The following DZANK1 variants were observed in gnomAD, a reference collection of about 807,000 sequenced individuals.
The protein encoded by DZANK1 is double zinc ribbon and ankyrin repeat domains 1, also known as double zinc ribbon and ankyrin repeat-containing protein 1.
In DZANK1, 91 loss-of-function variants were observed where a neutral mutation model predicts 94.5. The ratio of observed to expected loss-of-function variants is 0.96; its 90% CI spans 0.81 to 1.15. The LOEUF (loss-of-function observed/expected upper bound fraction) is 1.15, where lower values mean the gene tolerates loss of function less well. Ranked by LOEUF, DZANK1 falls within the 50% of genes most tolerant of loss-of-function variation. DZANK1 has a pLI of 0.00. For missense variants in DZANK1, 903 were observed against 916.4 expected (o/e 0.99, Z 0.19); for synonymous variants, 312 against 325.3 (o/e 0.96, Z 0.44).
intron 13 of DZANK1, among the ~76,000 whole-genome samples, chr20:18,401,156 C>T (rs906309933): frequency 6.6e-6 from 1 of 152,142 alleles, no homozygotes; most frequent in African/African-American, 2.4e-5. Context: ...AGGCTGGTCT[C>T]AAACTCCTGA....
rs769222139 is a variant in DZANK1 at position 18,389,888 on chromosome 20, C to T, written c.1891-60G>A. The T allele has an allele frequency of 5.3e-4, 852 of 1,601,548 alleles. 7 individuals are homozygous for T. Among genetic ancestry groups the T allele is most frequent in the Middle Eastern group, 3.4e-4 (2 of 5,962 alleles). On this transcript the variant is annotated intron_variant, in intron 18 of 20. Coordinates refer to ENST00000262547, the Ensembl canonical transcript of DZANK1. ...CACCCTGCACTCAACAGCATCCAGT[C>T]GCCATCCTATGAAGTATAACAGATG...
chr20:18,465,362 C>T (rs566007411), exon 2 of DZANK1: 34 of 780,406 alleles, frequency 4.4e-5, no homozygotes, highest in East Asian at 2.2e-4. Flanking sequence ...CAGTCATTTT[C>T]TCTCTCTCTC....
intron 12 of DZANK1, chr20:18,413,125 C>T (rs1161912069): frequency 9.9e-6 from 5 of 505,342 alleles, no homozygotes; most frequent in African/African-American, 7.7e-5. Flanking sequence ...GATATCTATC[C>T]TTTTCAGCTC....
intron 8 of DZANK1, among the ~76,000 whole-genome samples, chr20:18,437,108 T>C (rs1202280289): frequency 3.3e-5 from 5 of 152,126 alleles, no homozygotes. Context: ...AGACCAGATA[T>C]AATAAATATG....
chr20:18,425,205 A>G (rs2057983853), intron 10 of DZANK1, among the ~76,000 whole-genome samples: 1 of 152,228 alleles, frequency 6.6e-6, no homozygotes, highest in Admixed American at 6.5e-5. Context: ...TGGAAACAAA[A>G]GGAGTTCCCT....
At chr20:18,404,751 A>G (rs549149862) in intron 13 of DZANK1, among the ~76,000 whole-genome samples, 1 of 152,310 alleles carries the variant, frequency 6.6e-6, no homozygotes, top group South Asian at 2.1e-4. Context: ...CATGCTTAAA[A>G]GGAGTAAAAG....
At chr20:18,454,311 C>G in intron 4 of DZANK1, 1 of 322,254 alleles carries the variant, frequency 3.1e-6, no homozygotes, top group East Asian at 7.8e-5. Flanking sequence ...CCCCCGAAGG[C>G]GGCCCCTGCC....
At chr20:18,431,451 C>T (rs202212035) in intron 9 of DZANK1, among the ~76,000 whole-genome samples, 4 of 152,222 alleles carry the variant, frequency 2.6e-5, no homozygotes. Flanking sequence ...GCTGACTTCC[C>T]TGAGCAGTTC....
At chr20:18,413,991 T>G (rs1398761419) in intron 12 of DZANK1, among the ~76,000 whole-genome samples, 2 of 152,172 alleles carry the variant, frequency 1.3e-5, no homozygotes, top group Admixed American at 6.5e-5. Flanking sequence ...TGGTGAGATT[T>G]GTCCTCAAAC....
chr20:18,458,503 T>C (rs1373562284), intron 3 of DZANK1, among the ~76,000 whole-genome samples: 1 of 152,242 alleles, frequency 6.6e-6, no homozygotes, highest in Non-Finnish European at 1.5e-5. Flanking sequence ...AAAGTTAGCT[T>C]AAAACTTCTA....
At position 18,400,471 on chromosome 20, in the gene DZANK1, T is replaced by C. The variant is rs566477254; in HGVS notation, c.1433-1845A>G. 1.1e-4 allele frequency among the ~76,000 whole-genome samples: 16 copies of C among 152,288 alleles called. 1 individual carries two copies. The South Asian group carries it at 2.9e-3, about 28-fold the overall frequency. ...TCCCAGTGCTTCAGGGTTGCACCTGTGTACGGATAGGCAGCCTTCTCCTGC... is the reference window on the plus strand; with the variant it reads ...TCCCAGTGCTTCAGGGTTGCACCTGCGTACGGATAGGCAGCCTTCTCCTGC... On this transcript the variant is annotated intron_variant, in intron 13 of 20. Coordinates refer to ENST00000262547, the Ensembl canonical transcript of DZANK1.
rs373999609 is a variant in DZANK1 at position 18,390,421 on chromosome 20, C to G, written c.1848G>C (p.Thr616=). The change falls in exon 18 of 21, where the codon ACG becomes ACC. Residue 616 remains threonine (T), a synonymous_variant. Transcript: ENST00000262547. ...CAATCACAGAGACTCTTCCTTCCCC[C>G]GTGGGTCCGACTTCCTTCAGCAGGA... is the stretch of plus-strand genomic sequence containing the variant. 4 of 1,613,838 alleles carry G rather than the reference C, an allele frequency of 2.5e-6. No homozygotes were observed. In the Admixed American group the frequency reaches 5.0e-5, roughly 20 times the overall value.
In DZANK1 at chr20:18,390,372, C is replaced by T. The variant is rs1442300394; in HGVS notation, c.1890+7G>A. On this transcript the variant is annotated splice_region_variant and intron_variant, in intron 18 of 20. Transcript: ENST00000262547. ...TCAGAGAGACTGGCTCCTTTGGCAA[C>T]ACTTACCTCATCCAGCAGCTGTTCA... is the stretch of plus-strand genomic sequence containing the variant. 6 of 1,613,832 alleles carry T rather than the reference C, an allele frequency of 3.7e-6. No individual in the cohort carries two copies. Among genetic ancestry groups the T allele is most frequent in the Non-Finnish European group, 4.2e-6 (5 of 1,179,736 alleles).
intron 18 of DZANK1, 25 bp downstream of exon 18, chr20:18,390,354 G>GT (rs768059732): frequency 6.2e-7 from 1 of 1,609,762 alleles, no homozygotes; most frequent in Non-Finnish European, 8.5e-7. Context: ...TCTTCAGAGA[G>GT]ACTGGCTCCT....
At chr20:18,426,405 T>C (rs192089964) in intron 10 of DZANK1, among the ~76,000 whole-genome samples, 1 of 152,246 alleles carries the variant, frequency 6.6e-6, no homozygotes, top group East Asian at 1.9e-4. Flanking sequence ...TCCAGTTTCA[T>C]GAGGAATCTG....
In DZANK1 at chr20:18,443,484, C is replaced by T. The variant is rs756217825; in HGVS notation, c.630-20G>A. 9 of 1,363,258 alleles carry T rather than the reference C, an allele frequency of 6.6e-6. No homozygotes were observed. In the Admixed American group the frequency reaches 1.6e-4, roughly 24 times the overall value. The allele number at this position is 1,363,258 out of a possible 1,614,324, so 84.4% of individuals were successfully genotyped here. On this transcript the variant is annotated intron_variant, in intron 7 of 20. Transcript: ENST00000262547. ...GCACACCTACAACAAAACAGGTTCC[C>T]GATTGGCCATGTTCTGGTGGGCCCA...
Position 18,456,222 on chromosome 20 carries a change from G to T in DZANK1, c.264-861C>A, listed in dbSNP as rs181814357. 2.8e-3 allele frequency among the ~76,000 whole-genome samples: 424 copies of T among 152,282 alleles called. 1 individual carries two copies. Among genetic ancestry groups the T allele is most frequent in the Middle Eastern group, 6.8e-3 (2 of 294 alleles). ...AGCTGTAGACAGTGTAATATATGCT[G>T]CTCTGGTAGATTCTGTAACTCAAAT... On this transcript the variant is annotated intron_variant, in intron 3 of 20. Coordinates refer to ENST00000262547, the Ensembl canonical transcript of DZANK1.
intron 7 of DZANK1, among the ~76,000 whole-genome samples, chr20:18,447,245 G>C (rs1297316162): frequency 2.0e-5 from 3 of 152,072 alleles, no homozygotes; most frequent in Non-Finnish European, 4.4e-5. Context: ...GGAGGTTGAG[G>C]GGAGCAGATC....
intron 6 of DZANK1, chr20:18,452,070 G>T: frequency 1.5e-5 from 3 of 198,394 alleles, no homozygotes; most frequent in South Asian, 2.8e-5. Context: ...ATTTAGGGGT[G>T]GTTTTTTTTT....
Sources: gnomAD v4.1 joint callset for allele counts (sites outside exome capture counted in the v4.1 genomes callset) on GRCh38, gnomAD v4.1.1 for gene constraint, MANE v1.5 for transcripts, NCBI Gene and HGNC (gene_info 2026-07-23, HGNC 2026-07-21) for gene names.